Variants in TENM4 observed in about 807,000 individuals in gnomAD.
The protein encoded by TENM4 is teneurin transmembrane protein 4.
TENM4 carries 82 observed loss-of-function variants against 243.3 expected under a neutral mutation model. The observed-to-expected ratio is 0.34, with a 90% confidence interval of 0.28 to 0.40. The LOEUF (loss-of-function observed/expected upper bound fraction) is 0.40. Among genes scored for constraint, TENM4 ranks in the 10% least tolerant of loss-of-function variants. The probability of loss-of-function intolerance (pLI) is 1.00; values close to 1 mark genes in which losing one functional copy is unlikely to be tolerated. For synonymous variants in TENM4, 1,412 were observed against 1,456.3 expected (o/e 0.97, Z 0.69); for missense variants, 3,138 against 3,673.3 (o/e 0.85, Z 3.77).
At chr11:78,797,287 T>C (rs1857180424) in intron 15 of TENM4, among the ~76,000 whole-genome samples, 1 of 152,222 alleles carries the variant, frequency 6.6e-6, no homozygotes, top group South Asian at 2.1e-4. Flanking sequence ...GAATAAGTCA[T>C]GAAGCACGTA....
At chr11:78,918,025 G>T (rs1241551981) in intron 6 of TENM4, among the ~76,000 whole-genome samples, 2 of 152,152 alleles carry the variant, frequency 1.3e-5, no homozygotes, top group African/African-American at 4.8e-5. Flanking sequence ...GAAAACTGAG[G>T]CTCGGGGAGA....
chr11:79,328,599 T>TGGCGGC (rs1857011593), intron 1 of TENM4, among the ~76,000 whole-genome samples: 1 of 151,742 alleles, frequency 6.6e-6, no homozygotes, highest in Non-Finnish European at 1.5e-5. Context: ...GCGGTGGTGG[T>TGGCGGC]GGCGGTGTGG....
At chr11:78,759,325 G>T (rs761306473) in intron 18 of TENM4, among the ~76,000 whole-genome samples, 1 of 152,200 alleles carries the variant, frequency 6.6e-6, no homozygotes, top group Non-Finnish European at 1.5e-5. Context: ...AGGGTTATTT[G>T]CATTCTGCTA....
At chr11:78,947,331 A>G (rs1857020959) in intron 6 of TENM4, among the ~76,000 whole-genome samples, 1 of 152,124 alleles carries the variant, frequency 6.6e-6, no homozygotes, top group Non-Finnish European at 1.5e-5. Flanking sequence ...AGTTTCAGAA[A>G]CCAAGACTCC....
chr11:78,896,816 C>T (rs1216954889), intron 7 of TENM4, among the ~76,000 whole-genome samples: 1 of 152,130 alleles, frequency 6.6e-6, no homozygotes, highest in African/African-American at 2.4e-5. Context: ...CACTTACTGG[C>T]TGTGGGACCT....
intron 4 of TENM4, among the ~76,000 whole-genome samples, chr11:79,112,910 C>T (rs1861537210): frequency 1.3e-5 from 2 of 152,186 alleles, no homozygotes; most frequent in African/African-American, 2.4e-5. Flanking sequence ...CACCAACAAG[C>T]CGTTCATATT....
intron 12 of TENM4, among the ~76,000 whole-genome samples, chr11:78,849,558 C>T (rs1193541334): frequency 6.6e-6 from 1 of 152,170 alleles, no homozygotes; most frequent in Non-Finnish European, 1.5e-5. Flanking sequence ...TGGTCCTCAA[C>T]ACACAATAGG....
At chr11:78,842,286 T>C (rs1381888512) in intron 12 of TENM4, among the ~76,000 whole-genome samples, 1 of 152,204 alleles carries the variant, frequency 6.6e-6, no homozygotes, top group African/African-American at 2.4e-5. Context: ...CAAGGTAAAA[T>C]ACAAGTGGTC....
intron 2 of TENM4, among the ~76,000 whole-genome samples, chr11:79,283,700 T>G (rs1337685157): frequency 6.6e-6 from 1 of 152,068 alleles, no homozygotes; most frequent in African/African-American, 2.4e-5. Flanking sequence ...GTACTGGAGG[T>G]TCTAACCAGG....
chr11:79,373,429 G>A (rs1252364916), intron 1 of TENM4, among the ~76,000 whole-genome samples: 1 of 151,902 alleles, frequency 6.6e-6, no homozygotes, highest in African/African-American at 2.4e-5. Context: ...TGGCTGGCTG[G>A]CTGGATGAAT....
At chr11:78,796,054 C>A (rs1482495526) in intron 15 of TENM4, among the ~76,000 whole-genome samples, 2 of 152,070 alleles carry the variant, frequency 1.3e-5, no homozygotes, top group Non-Finnish European at 2.9e-5. Flanking sequence ...AACCACACGG[C>A]CTTTCACCTC....
intron 4 of TENM4, among the ~76,000 whole-genome samples, chr11:79,094,406 C>A (rs1861030022): frequency 6.6e-6 from 1 of 152,146 alleles, no homozygotes; most frequent in Non-Finnish European, 1.5e-5. Context: ...GTCCAAGACC[C>A]CATGCCTAGG....
chr11:78,925,966 A>C (rs2464572), intron 6 of TENM4, among the ~76,000 whole-genome samples: 76,499 of 151,470 alleles, frequency 0.51, 23,420 homozygotes, highest in East Asian at 0.77. Context: ...TAAAAAAAAA[A>C]AACAACCCCA....
At position 78,995,494 on chromosome 11, in the gene TENM4, G is replaced by T. The variant is rs185812853; in HGVS notation, c.493+69244C>A. On this transcript the variant is annotated intron_variant, in intron 6 of 33. Transcript: ENST00000278550. The stretch of plus-strand genomic sequence containing the variant: ...ATTACCTTCTACCAGGAATTTGAAG[G>T]ACCCTTTCATAAGAGCCATTTGGAT... Among the ~76,000 whole-genome samples the T allele has an allele frequency of 2.5e-4, 38 of 152,222 alleles. No individual in the cohort carries two copies. The South Asian group carries it at 2.7e-3, about 11-fold the overall frequency.
rs561654857 is a variant in TENM4, at chr11:79,170,916, T to C, written c.-162-22110A>G. Among the ~76,000 whole-genome samples the C allele has an allele frequency of 7.9e-5, 12 of 152,230 alleles. No homozygotes were observed. In the South Asian group the frequency reaches 2.5e-3, roughly 32 times the overall value. On this transcript the variant is annotated intron_variant, in intron 3 of 33. Coordinates refer to ENST00000278550, the MANE Select transcript of TENM4 (RefSeq NM_001098816.3). ...CTAGGACAAGGTGGGGAAGAGGAACTAGGGAAAGGGATCATAAGAGAACCA... is the reference window on the plus strand; with the variant it reads ...CTAGGACAAGGTGGGGAAGAGGAACCAGGGAAAGGGATCATAAGAGAACCA...
At chr11:78,913,635 C>T (rs1029509432) in intron 6 of TENM4, among the ~76,000 whole-genome samples, 3 of 134,956 alleles carry the variant, frequency 2.2e-5, no homozygotes, top group Non-Finnish European at 3.1e-5. Context: ...GTGTGAGTGT[C>T]GGGGGTGGAA....
In TENM4 at chr11:78,657,249, G is replaced by T. The variant is rs564180561; in HGVS notation, c.*809C>A. ...AGGCATCCTGGGTGCTTTCCCTCCCGGGAGGATGGGACTCTGAGCCCAGGA... is the reference window on the plus strand; with the variant it reads ...AGGCATCCTGGGTGCTTTCCCTCCCTGGAGGATGGGACTCTGAGCCCAGGA... On this transcript the variant is annotated 3_prime_UTR_variant, in exon 34 of 34. Coordinates refer to ENST00000278550, the MANE Select transcript of TENM4 (RefSeq NM_001098816.3). 43 of 398,598 alleles carry T rather than the reference G, an allele frequency of 1.1e-4. No homozygotes were observed. In the East Asian group the frequency reaches 1.4e-3, roughly 13 times the overall value. The allele number at this position is 398,598 out of a possible 1,614,324, so 24.7% of individuals were successfully genotyped here.
At position 79,000,216 on chromosome 11, in the gene TENM4, T is replaced by A. The variant is rs980892516; in HGVS notation, c.493+64522A>T. ...ATAAACAAAGACTGAGAGAATTTAC[T>A]GCTAGGAGACCTGCCTCACATGTCT... is the stretch of plus-strand genomic sequence containing the variant. On this transcript the variant is annotated intron_variant, in intron 6 of 33. Transcript: ENST00000278550. Among the ~76,000 whole-genome samples the A allele has an allele frequency of 2.0e-5, 3 of 152,198 alleles. No homozygotes were observed. The East Asian group carries it at 5.8e-4, about 29-fold the overall frequency.
At chr11:79,116,595 G>A (rs1036240596) in intron 4 of TENM4, among the ~76,000 whole-genome samples, 8 of 152,158 alleles carry the variant, frequency 5.3e-5, no homozygotes, top group African/African-American at 1.7e-4. Context: ...TTATAATCAG[G>A]GTTTTATGTT....
Sources: gnomAD v4.1 joint callset for allele counts (sites outside exome capture counted in the v4.1 genomes callset) on GRCh38, gnomAD v4.1.1 for gene constraint, MANE v1.5 for transcripts, NCBI Gene and HGNC (gene_info 2026-07-23, HGNC 2026-07-21) for gene names.